Variants in DEPDC5 observed in about 807,000 individuals in gnomAD.
DEPDC5 encodes DEP domain containing 5, GATOR1 subcomplex subunit, also known as GATOR1 complex protein DEPDC5.
DEPDC5 carries 73 observed loss-of-function variants against 217.3 expected under a neutral mutation model. The observed-to-expected ratio is 0.34, with a 90% CI of 0.28 to 0.41. DEPDC5 has a LOEUF of 0.41. Ranked by LOEUF, DEPDC5 falls within the 10% of genes least tolerant of loss-of-function variation. DEPDC5 has a pLI of 1.00. For synonymous variants in DEPDC5, 733 were observed against 756.7 expected (o/e 0.97, Z 0.51); for missense variants, 1,675 against 2,070.1 (o/e 0.81, Z 3.70).
In DEPDC5 at chr22:31,784,884, C is replaced by G; in HGVS notation, c.624+9C>G. On this transcript the variant is annotated intron_variant, in intron 10 of 42. Transcript: ENST00000651528. ...TATTTACCAAGTGGAAGGTACATTT[C>G]TTCTTACACACTAAGTCTCATTATG... The G allele has an allele frequency of 6.2e-7, 1 of 1,610,164 alleles. No individual in the cohort carries two copies. The highest frequency in any genetic ancestry group is 8.5e-7 in the Non-Finnish European group (1 of 1,177,686).
intron 1 of DEPDC5, among the ~76,000 whole-genome samples, 170 bp downstream of exon 1, chr22:31,754,334 G>A (rs1190288163): frequency 1.3e-5 from 2 of 152,244 alleles, no homozygotes. Flanking sequence ...GTCAGGGAAG[G>A]TCTGCTGAGA....
chr22:31,877,233 C>G (rs566818547), intron 37 of DEPDC5, among the ~76,000 whole-genome samples: 1 of 150,462 alleles, frequency 6.6e-6, no homozygotes, highest in African/African-American at 2.4e-5. Flanking sequence ...CTCAGGAGTT[C>G]GAGACCAGCC....
intron 24 of DEPDC5, among the ~76,000 whole-genome samples, chr22:31,829,654 C>T (rs1428835636): frequency 6.6e-6 from 1 of 152,124 alleles, no homozygotes; most frequent in Non-Finnish European, 1.5e-5. Flanking sequence ...TGCATTTGGA[C>T]ATGATTCATA....
intron 40 of DEPDC5, among the ~76,000 whole-genome samples, chr22:31,900,954 T>C (rs1215656065): frequency 6.6e-6 from 1 of 151,478 alleles, no homozygotes; most frequent in Admixed American, 6.6e-5. Context: ...ATGTAGAAAT[T>C]AGTTGGGGCC....
chr22:31,898,441 A>G (rs1013205465), intron 40 of DEPDC5, among the ~76,000 whole-genome samples: 2 of 152,190 alleles, frequency 1.3e-5, no homozygotes, highest in African/African-American at 2.4e-5. Context: ...TTCACAGATG[A>G]TCTTTTTTAA....
At chr22:31,780,481 T>C (rs1400677249) in intron 8 of DEPDC5, among the ~76,000 whole-genome samples, 1 of 152,186 alleles carries the variant, frequency 6.6e-6, no homozygotes, top group East Asian at 1.9e-4. Flanking sequence ...TTCTCCCATG[T>C]GTTGTTCCCC....
chr22:31,892,611 G>C (rs2093461181), intron 38 of DEPDC5, among the ~76,000 whole-genome samples: 1 of 152,182 alleles, frequency 6.6e-6, no homozygotes, highest in Non-Finnish European at 1.5e-5. Flanking sequence ...TTGAGCCTGG[G>C]AGGCAGAGGT....
In DEPDC5 at chr22:31,779,617, A is replaced by G. The variant is rs555060156; in HGVS notation, c.483+1449A>G. 2.6e-5 allele frequency among the ~76,000 whole-genome samples: 4 copies of G among 152,300 alleles called. No homozygotes were observed. In the East Asian group the frequency reaches 7.7e-4, roughly 29 times the overall value. On this transcript the variant is annotated intron_variant, in intron 8 of 42. Transcript: ENST00000651528. ...GATGGGTTTTAAGTGGGAGAGTGAT[A>G]CTTGAATTATGCTTTTAAGAGATCA...
At chr22:31,856,960 G>A (rs939713536) in intron 31 of DEPDC5, among the ~76,000 whole-genome samples, 2 of 152,038 alleles carry the variant, frequency 1.3e-5, no homozygotes, top group Non-Finnish European at 2.9e-5. Flanking sequence ...TAGTAGAGAT[G>A]GGGTTTCACC....
chr22:31,896,304 G>A (rs779561112), intron 39 of DEPDC5, among the ~76,000 whole-genome samples: 2 of 152,126 alleles, frequency 1.3e-5, no homozygotes, highest in Non-Finnish European at 2.9e-5. Flanking sequence ...AAATAAAAAG[G>A]TTTTTGACCA....
chr22:31,906,258 C>A lies in DEPDC5; in HGVS notation c.4573C>A (p.Arg1525=), dbSNP rs1223453056. 4 of 1,613,734 alleles carry A rather than the reference C, an allele frequency of 2.5e-6. No individual in the cohort carries two copies. Among genetic ancestry groups the A allele is most frequent in the Non-Finnish European group, 3.4e-6 (4 of 1,179,936 alleles). The part of the protein sequence containing the change: ...YSKRKFSGQQ[R]RRRNSTSSTN... ...CAAGCGCAAGTTCTCAGGGCAGCAG[C>A]GGCGGCGGCGGAACTCCACCAGCTC... The change falls in exon 43 of 43, where the codon CGG becomes AGG. Residue 1525 remains arginine (R), a synonymous_variant. Transcript: ENST00000651528. The surrounding 1 kb of genome is among the most constrained non-coding windows in gnomAD (Gnocchi z 5.1).
intron 24 of DEPDC5, among the ~76,000 whole-genome samples, chr22:31,824,089 G>A (rs375643267): frequency 1.3e-5 from 2 of 152,122 alleles, no homozygotes; most frequent in Admixed American, 6.5e-5. Context: ...AGTGGCTCAC[G>A]CCTGTAATGC....
At chr22:31,801,791 A>G (rs1001722553) in intron 14 of DEPDC5, among the ~76,000 whole-genome samples, 3 of 152,238 alleles carry the variant, frequency 2.0e-5, no homozygotes, top group East Asian at 1.9e-4. Flanking sequence ...ACACATCACT[A>G]TGTATATCAT....
chr22:31,880,054 T>C (rs1467189842), intron 38 of DEPDC5: 2 of 379,950 alleles, frequency 5.3e-6, no homozygotes, highest in Non-Finnish European at 5.0e-6. Context: ...CTGTAGGATA[T>C]AGGAGATGTG....
At chr22:31,801,989 G>A (rs1291411548) in intron 14 of DEPDC5, among the ~76,000 whole-genome samples, 1 of 149,078 alleles carries the variant, frequency 6.7e-6, no homozygotes, top group Non-Finnish European at 1.5e-5. Context: ...TTTAAATAGT[G>A]TCTTAAATTA....
chr22:31,875,201 C>T (rs1341327991), intron 36 of DEPDC5: 1 of 167,060 alleles, frequency 6.0e-6, no homozygotes, highest in Non-Finnish European at 1.5e-5. Flanking sequence ...CTCTGAGGGT[C>T]TTGATGTGCT....
intron 38 of DEPDC5, among the ~76,000 whole-genome samples, chr22:31,892,085 T>C (rs2093448768): frequency 6.6e-6 from 1 of 152,230 alleles, no homozygotes; most frequent in African/African-American, 2.4e-5. Flanking sequence ...TCTTCCTGGG[T>C]TGAAACCTGA....
At chr22:31,788,264 ATTTTTTTTTTTT>A (rs75378797) in intron 10 of DEPDC5, among the ~76,000 whole-genome samples, 5 of 90,696 alleles carry the variant, frequency 5.5e-5, no homozygotes, top group South Asian at 3.5e-4. Context: ...GGATGACTGT[ATTTTTTTTTTTT>A]TTTTTTTTTT....
At chr22:31,797,371 AAG>A (rs200074940) in intron 12 of DEPDC5, among the ~76,000 whole-genome samples, 41 of 152,290 alleles carry the variant, frequency 2.7e-4, no homozygotes, top group African/African-American at 8.9e-4. Context: ...AAGCAGGAGA[AAG>A]AGCGAGCTCA....
Sources: allele counts gnomAD v4.1 joint callset (sites outside exome capture counted in the v4.1 genomes callset), GRCh38; gene constraint gnomAD v4.1.1; non-coding constraint Gnocchi (gnomAD v3.1); transcripts MANE v1.5; gene names NCBI Gene and HGNC (gene_info 2026-07-23, HGNC 2026-07-21).